ST3GAL3: variants seen among roughly 807,000 people sequenced by gnomAD.
ST3GAL3 encodes the protein CMP-N-acetylneuraminate-beta-1,4-galactoside alpha-2,3-sialyltransferase.
In ST3GAL3, 21 loss-of-function variants were observed where a neutral mutation model predicts 50.1. That is an observed-to-expected ratio of 0.42 (90% CI 0.30 to 0.60). ST3GAL3 has a LOEUF of 0.60. Ranked by LOEUF, ST3GAL3 falls within the 20% of genes least tolerant of loss-of-function variation. The pLI is 0.19. For synonymous variants in ST3GAL3, 183 were observed against 190.0 expected (o/e 0.96, Z 0.30); for missense variants, 353 against 489.4 (o/e 0.72, Z 2.63).
chr1:43,766,211 C>T lies in ST3GAL3; in HGVS notation c.119-25891C>T, dbSNP rs191046961. 3.4e-3 allele frequency among the ~76,000 whole-genome samples: 524 copies of T among 152,250 alleles called. 1 individual carries two copies. The highest frequency in any genetic ancestry group is 9.8e-3 in the Admixed American group (150 of 15,276). ...GCCAAGGGAGAGATATCAATGACTT[C>T]TTCTGTCAGTCTATGAGGATTACTG... On this transcript the variant is annotated intron_variant, in intron 2 of 11. Transcript: ENST00000347631.
In ST3GAL3 at chr1:43,817,545, T is replaced by C. The variant is rs527709509; in HGVS notation, c.209+2612T>C. Among the ~76,000 whole-genome samples the C allele has an allele frequency of 3.4e-3, 228 of 66,232 alleles. 2 individuals are homozygous for C. Among genetic ancestry groups the C allele is most frequent in the African/African-American group, 0.011 (209 of 19,390 alleles). The allele number at this position is 66,232 out of a possible 152,430, so 43.5% of individuals were successfully genotyped here. On this transcript the variant is annotated intron_variant, in intron 4 of 11. Coordinates refer to ENST00000347631, the MANE Select transcript of ST3GAL3 (RefSeq NM_006279.5). The stretch of plus-strand genomic sequence containing the variant: ...TCTTCTTCCTTCTTCTCCTTCTCCT[T>C]CTTCTTCTTCTCCTTCTTCCTTCTT...
At chr1:43,794,512 T>C (rs2058466561) in intron 3 of ST3GAL3, among the ~76,000 whole-genome samples, 1 of 152,240 alleles carries the variant, frequency 6.6e-6, no homozygotes, top group Non-Finnish European at 1.5e-5. Context: ...AGTATCTAGC[T>C]AAATTTGGAT....
At chr1:43,753,772 G>T (rs1419734943) in intron 2 of ST3GAL3, among the ~76,000 whole-genome samples, 1 of 152,140 alleles carries the variant, frequency 6.6e-6, no homozygotes, top group Non-Finnish European at 1.5e-5. Context: ...TGGGCCTCTG[G>T]TATCCCAGTT....
chr1:43,907,464 G>C (rs1326533040), intron 9 of ST3GAL3, among the ~76,000 whole-genome samples: 1 of 152,136 alleles, frequency 6.6e-6, no homozygotes, highest in Non-Finnish European at 1.5e-5. Context: ...CCTGTCCGGG[G>C]TCCTTGATCA....
At chr1:43,745,976 G>C (rs1199968246) in intron 2 of ST3GAL3, among the ~76,000 whole-genome samples, 1 of 152,214 alleles carries the variant, frequency 6.6e-6, no homozygotes, top group Non-Finnish European at 1.5e-5. Context: ...ATTGCCTACA[G>C]TATTTCAGTA....
chr1:43,857,434 T>A (rs576169355), intron 5 of ST3GAL3, among the ~76,000 whole-genome samples: 247 of 152,252 alleles, frequency 1.6e-3, no homozygotes, highest in African/African-American at 5.5e-3. Flanking sequence ...ACCAAACTTT[T>A]AAAAATGGAG....
intron 1 of ST3GAL3, among the ~76,000 whole-genome samples, chr1:43,732,189 T>C (rs1676238871): frequency 6.6e-6 from 1 of 152,258 alleles, no homozygotes; most frequent in Non-Finnish European, 1.5e-5. Flanking sequence ...GCAGATACTT[T>C]ATTCACCTTC....
At chr1:43,775,466 T>G (rs1204400128) in intron 2 of ST3GAL3, among the ~76,000 whole-genome samples, 1 of 152,080 alleles carries the variant, frequency 6.6e-6, no homozygotes, top group Admixed American at 6.6e-5. Flanking sequence ...ACTCCTGACC[T>G]CAGGTGAACA....
At chr1:43,848,294 C>CTTTTTTTTTTTTTTT (rs58438507) in intron 5 of ST3GAL3, among the ~76,000 whole-genome samples, 1 of 70,378 alleles carries the variant, frequency 1.4e-5, no homozygotes, top group Non-Finnish European at 2.5e-5. Flanking sequence ...TTGTGGTTTT[C>CTTTTTTTTTTTTTTT]TTTTTTTTTT....
intron 5 of ST3GAL3, chr1:43,851,174 T>C: frequency 7.2e-7 from 1 of 1,396,880 alleles, no homozygotes; most frequent in Non-Finnish European, 1.0e-6. Flanking sequence ...GAGGCGGGTG[T>C]TCTCCTCCAG....
intron 2 of ST3GAL3, among the ~76,000 whole-genome samples, chr1:43,762,275 A>G (rs544339500): frequency 7.9e-5 from 12 of 151,624 alleles, no homozygotes; most frequent in South Asian, 2.1e-4. Context: ...AAAAAAAAAA[A>G]AAAGAAAGAA....
chr1:43,859,125 C>A (rs751719756), intron 5 of ST3GAL3, among the ~76,000 whole-genome samples: 2 of 152,170 alleles, frequency 1.3e-5, no homozygotes, highest in African/African-American at 2.4e-5. Context: ...AGTATTGGGC[C>A]ACGTGGCCTC....
intron 2 of ST3GAL3, among the ~76,000 whole-genome samples, chr1:43,775,129 T>C (rs996876289): frequency 1.3e-5 from 2 of 152,210 alleles, no homozygotes; most frequent in Admixed American, 6.5e-5. Flanking sequence ...CATGAGTACC[T>C]TGTATATCAA....
At chr1:43,882,277 G>A (rs142001292) in intron 5 of ST3GAL3, among the ~76,000 whole-genome samples, 4 of 152,278 alleles carry the variant, frequency 2.6e-5, no homozygotes, top group South Asian at 2.1e-4. Flanking sequence ...GCATGGAGGC[G>A]TTAAAGAGCC....
chr1:43,816,127 T>C (rs2061216053), intron 4 of ST3GAL3, among the ~76,000 whole-genome samples: 1 of 152,218 alleles, frequency 6.6e-6, no homozygotes, highest in African/African-American at 2.4e-5. Flanking sequence ...TCCCCTGCCC[T>C]GTACCAGGCG....
intron 3 of ST3GAL3, among the ~76,000 whole-genome samples, chr1:43,793,108 A>G (rs896573023): frequency 2.0e-5 from 3 of 152,238 alleles, no homozygotes; most frequent in African/African-American, 7.2e-5. Context: ...TTCAGAGAAT[A>G]TGATCACAGC....
In ST3GAL3 at chr1:43,846,978, G is replaced by A. The variant is rs115268685; in HGVS notation, c.302+8667G>A. 1.1e-3 allele frequency among the ~76,000 whole-genome samples: 165 copies of A among 152,224 alleles called. 2 individuals carry two copies. The highest frequency in any genetic ancestry group is 3.7e-3 in the African/African-American group (152 of 41,516). ...ACAAGAAAAAAACTGATTTAAAAGCGGGTAGAGAACTTGAATAGACACTTC... is the reference window on the plus strand; with the variant it reads ...ACAAGAAAAAAACTGATTTAAAAGCAGGTAGAGAACTTGAATAGACACTTC... On this transcript the variant is annotated intron_variant, in intron 5 of 11. Coordinates refer to ENST00000347631, the MANE Select transcript of ST3GAL3 (RefSeq NM_006279.5).
intron 2 of ST3GAL3, among the ~76,000 whole-genome samples, chr1:43,740,689 G>A (rs373900314): frequency 6.6e-6 from 1 of 151,940 alleles, no homozygotes; most frequent in South Asian, 2.1e-4. Flanking sequence ...ACACGTGTAC[G>A]GCGAGTGGTA....
At chr1:43,783,989 T>C (rs1216822323) in intron 2 of ST3GAL3, among the ~76,000 whole-genome samples, 1 of 152,210 alleles carries the variant, frequency 6.6e-6, no homozygotes, top group Non-Finnish European at 1.5e-5. Flanking sequence ...ACTGGTTCCC[T>C]TTCAGTCACA....
Sources: gnomAD v4.1 joint callset for allele counts (sites outside exome capture counted in the v4.1 genomes callset) on GRCh38, gnomAD v4.1.1 for gene constraint, MANE v1.5 for transcripts, NCBI Gene and HGNC (gene_info 2026-07-23, HGNC 2026-07-21) for gene names.